Variants in VPS41 observed in about 807,000 individuals in gnomAD.
VPS41 encodes the protein VPS41 subunit of HOPS complex, also known as vacuolar protein sorting-associated protein 41 homolog.
Under a neutral mutation model 130.9 loss-of-function variants are expected in VPS41, and 85 were observed. That is an observed-to-expected ratio of 0.65 (90% CI 0.55 to 0.78). VPS41 has a LOEUF of 0.78. Among genes scored for constraint, VPS41 ranks in the 30% least tolerant of loss-of-function variants. VPS41 has a pLI of 0.00. For synonymous variants in VPS41, 335 were observed against 332.9 expected (o/e 1.01, Z -0.07); for missense variants, 874 against 1,018.7 (o/e 0.86, Z 1.93).
chr7:38,903,397 G>T (rs1171179955), intron 1 of VPS41, among the ~76,000 whole-genome samples: 1 of 152,180 alleles, frequency 6.6e-6, no homozygotes, highest in Non-Finnish European at 1.5e-5. Flanking sequence ...CCTCAGAATT[G>T]TAAGTGCCCA....
At chr7:38,800,700 G>A (rs1486564173) in intron 7 of VPS41, among the ~76,000 whole-genome samples, 1 of 152,128 alleles carries the variant, frequency 6.6e-6, no homozygotes, top group East Asian at 1.9e-4. Context: ...GCCAAGCATG[G>A]TGGCCGGCAC....
intron 3 of VPS41, among the ~76,000 whole-genome samples, chr7:38,868,772 TTAA>T (rs1786282897): frequency 6.6e-6 from 1 of 152,184 alleles, no homozygotes; most frequent in African/African-American, 2.4e-5. Context: ...AAAGAATAAC[TTAA>T]TAAAAGAATA....
At chr7:38,791,023 C>T (rs1018535943) in intron 9 of VPS41, among the ~76,000 whole-genome samples, 4 of 152,202 alleles carry the variant, frequency 2.6e-5, no homozygotes, top group Non-Finnish European at 5.9e-5. Context: ...AACACTGCAG[C>T]GACTCAGTGA....
chr7:38,759,203 C>A (rs1166072153), intron 17 of VPS41, among the ~76,000 whole-genome samples: 1 of 152,156 alleles, frequency 6.6e-6, no homozygotes, highest in Non-Finnish European at 1.5e-5. Context: ...TGGGCCTGAG[C>A]CCTCAGCCTG....
intron 4 of VPS41, among the ~76,000 whole-genome samples, chr7:38,861,982 CA>C (rs1297353340): frequency 1.3e-5 from 2 of 152,152 alleles, no homozygotes; most frequent in African/African-American, 4.8e-5. Flanking sequence ...ACCGATCCAG[CA>C]AGGTGATCAA....
intron 9 of VPS41, among the ~76,000 whole-genome samples, chr7:38,792,450 A>C (rs1244083856): frequency 6.6e-6 from 1 of 152,146 alleles, no homozygotes. Context: ...AGGTAGTTTC[A>C]CCTTCCAGTA....
At chr7:38,743,008 A>G (rs969032207) in intron 24 of VPS41, among the ~76,000 whole-genome samples, 4 of 152,150 alleles carry the variant, frequency 2.6e-5, no homozygotes, top group African/African-American at 9.7e-5. Flanking sequence ...GAACAGTTAC[A>G]TGTTTCCAAA....
intron 4 of VPS41, among the ~76,000 whole-genome samples, chr7:38,849,245 C>T (rs1048665546): frequency 1.3e-5 from 2 of 152,100 alleles, no homozygotes; most frequent in Non-Finnish European, 2.9e-5. Flanking sequence ...GGCTGTGGTG[C>T]TCCTGACCCC....
intron 25 of VPS41, among the ~76,000 whole-genome samples, chr7:38,737,779 C>T (rs528059094): frequency 1.5e-4 from 23 of 152,260 alleles, no homozygotes; most frequent in African/African-American, 5.5e-4. Flanking sequence ...GGCTAAGTTT[C>T]TGTAGTGATC....
intron 17 of VPS41, among the ~76,000 whole-genome samples, chr7:38,759,488 T>C (rs1001736616): frequency 6.6e-6 from 1 of 152,212 alleles, no homozygotes; most frequent in East Asian, 1.9e-4. Flanking sequence ...ATTAAAAGTT[T>C]GTTCAATAAA....
rs1293090583 is a variant in VPS41 at position 38,873,455 on chromosome 7, G to A, written c.61-4202C>T. On this transcript the variant is annotated intron_variant, in intron 2 of 28. Transcript: ENST00000310301. Reference sequence around the variant, plus strand: ...TTTAACTAAAAAAATAATAATAATAGAAAAAAGGTTTTCATGCAGTTTGGA... The same window carrying A: ...TTTAACTAAAAAAATAATAATAATAAAAAAAAGGTTTTCATGCAGTTTGGA... Among the ~76,000 whole-genome samples the A allele has an allele frequency of 6.7e-5, 9 of 133,392 alleles. 1 individual carries two copies. In the South Asian group the frequency reaches 2.4e-3, roughly 36 times the overall value. The allele number at this position is 133,392 out of a possible 152,430, so 87.5% of individuals were successfully genotyped here.
At chr7:38,801,702 T>C (rs568244108) in intron 7 of VPS41, among the ~76,000 whole-genome samples, 1 of 152,326 alleles carries the variant, frequency 6.6e-6, no homozygotes, top group Non-Finnish European at 1.5e-5. Context: ...TGTGTTTACC[T>C]TGCATTTCCC....
At position 38,728,709 on chromosome 7, in the gene VPS41, T is replaced by G. The variant is rs1795598174; in HGVS notation, c.2342A>C (p.Lys781Thr). The change falls in exon 26 of 29, where the codon AAA becomes ACA. Residue 781 changes from lysine (K) to threonine (T), a missense_variant. Lys to Thr is a moderately conservative substitution (Grantham distance 78). Coordinates refer to ENST00000310301, the MANE Select transcript of VPS41 (RefSeq NM_014396.4). ...TTACCCACCATCAACAAGAACACCT[T>G]TCATTTGAGTTCGGTGCATTTTCTT... ...LLKKMHRTQMKGVLVDEENIC... is the reference protein window; with the variant it reads ...LLKKMHRTQMTGVLVDEENIC... 1 of 1,614,034 alleles carries G rather than the reference T, an allele frequency of 6.2e-7. No individual in the cohort carries two copies. Among genetic ancestry groups the G allele is most frequent in the Admixed American group, 1.7e-5 (1 of 60,004 alleles).
chr7:38,772,495 C>T (rs757349339), intron 13 of VPS41, 27 bp downstream of exon 13: 41 of 1,466,930 alleles, frequency 2.8e-5, no homozygotes, highest in Admixed American at 5.1e-5. Flanking sequence ...TGAGTCAATA[C>T]TTTCAAAGAA....
At position 38,754,695 on chromosome 7, in the gene VPS41, T is replaced by C. The variant is rs1783753747; in HGVS notation, c.1788+7A>G. 1.2e-6 allele frequency: 2 copies of C among 1,612,876 alleles called. No individual in the cohort carries two copies. Among genetic ancestry groups the C allele is most frequent in the Non-Finnish European group, 1.7e-6 (2 of 1,179,106 alleles). On this transcript the variant is annotated splice_region_variant and intron_variant, in intron 21 of 28. Coordinates refer to ENST00000310301, the MANE Select transcript of VPS41 (RefSeq NM_014396.4). ...AAAGGGCAAAAGGAGGAGACTGCCA[T>C]GCTCACCACATGCTGTAGCTCTGGT...
At chr7:38,822,636 A>G (rs960448160) in intron 5 of VPS41, among the ~76,000 whole-genome samples, 1 of 152,216 alleles carries the variant, frequency 6.6e-6, no homozygotes, top group Non-Finnish European at 1.5e-5. Context: ...TGCTAAGAAC[A>G]TGCTTTGCAA....
chr7:38,817,331 C>CT (rs1785073137), intron 7 of VPS41, among the ~76,000 whole-genome samples: 1 of 152,198 alleles, frequency 6.6e-6, no homozygotes, highest in Non-Finnish European at 1.5e-5. Context: ...AGGCTGGGCG[C>CT]AGTGGCTCAC....
At chr7:38,797,025 AG>A (rs1784634982) in intron 7 of VPS41, 161 bp from the exon 8 acceptor site, 2 of 771,376 alleles carry the variant, frequency 2.6e-6, no homozygotes, top group Non-Finnish European at 4.0e-6. Flanking sequence ...TACCTTGGAA[AG>A]AATTCCTAGC....
At chr7:38,802,277 G>A (rs764365751) in intron 7 of VPS41, among the ~76,000 whole-genome samples, 2 of 152,112 alleles carry the variant, frequency 1.3e-5, no homozygotes, top group African/African-American at 2.4e-5. Flanking sequence ...TTGCCACAGC[G>A]CCTACTTCTC....
Sources: allele counts gnomAD v4.1 joint callset (sites outside exome capture counted in the v4.1 genomes callset), GRCh38; gene constraint gnomAD v4.1.1; transcripts MANE v1.5; gene names NCBI Gene and HGNC (gene_info 2026-07-23, HGNC 2026-07-21).